Variants in MROH2B observed in about 807,000 individuals in gnomAD.
MROH2B encodes maestro heat-like repeat-containing protein family member 2B.
In MROH2B, 177 loss-of-function variants were observed where a neutral mutation model predicts 208.6. That is an observed-to-expected ratio of 0.85 (90% CI 0.75 to 0.96). The LOEUF (loss-of-function observed/expected upper bound fraction) is 0.96. Ranked by LOEUF, MROH2B falls within the 40% of genes least tolerant of loss-of-function variation. MROH2B has a pLI of 0.00. For missense variants in MROH2B, 2,002 were observed against 1,878.7 expected (o/e 1.07, Z -1.21); for synonymous variants, 728 against 659.0 (o/e 1.10, Z -1.60).
chr5:41,057,196 T>G lies in MROH2B; in HGVS notation c.850-18A>C. The G allele has an allele frequency of 6.2e-7, 1 of 1,613,482 alleles. No homozygotes were observed. The highest frequency in any genetic ancestry group is 8.5e-7 in the Non-Finnish European group (1 of 1,179,602). The stretch of plus-strand genomic sequence containing the variant: ...CTGCAGATCTGAATGGGGGTGGAAA[T>G]CAGGTGGTAGATGTTAAACACAGAA... On this transcript the variant is annotated intron_variant, in intron 8 of 41. Transcript: ENST00000399564.
At chr5:41,021,274 G>A (rs1215005317) in intron 24 of MROH2B, among the ~76,000 whole-genome samples, 1 of 152,128 alleles carries the variant, frequency 6.6e-6, no homozygotes, top group Non-Finnish European at 1.5e-5. Context: ...AAACATTGTT[G>A]AAAGAAATGA....
Position 40,998,672 on chromosome 5 carries a change from C to T in MROH2B, c.4591G>A (p.Val1531Ile), listed in dbSNP as rs145206191. The T allele has an allele frequency of 5.8e-4, 921 of 1,581,534 alleles. 7 individuals carry two copies. In the East Asian group the frequency reaches 6.9e-3, roughly 12 times the overall value. ...TATTGGCTGGTCAAATTGAGAACAA[C>T]GGCATCTAAAGTTAATAGGAGACCA... ...RSAAVKLTDAVVLNLTSQYVE... is the reference protein window; with the variant it reads ...RSAAVKLTDAIVLNLTSQYVE... The change falls in exon 41 of 42, where the codon GTT becomes ATT. Residue 1531 changes from valine (V) to isoleucine (I), a missense_variant. Val to Ile is a conservative substitution (Grantham distance 29, BLOSUM62 3). Coordinates refer to ENST00000399564, the MANE Select transcript of MROH2B (RefSeq NM_173489.5).
chr5:41,069,409 T>TTGTAAGTC (rs1743913173), intron 2 of MROH2B, among the ~76,000 whole-genome samples: 1 of 152,182 alleles, frequency 6.6e-6, no homozygotes, highest in South Asian at 2.1e-4. Flanking sequence ...ATCCACATGT[T>TTGTAAGTC]TGTAAGTCTG....
At position 41,046,860 on chromosome 5, in the gene MROH2B, G is replaced by A. The variant is rs563600326; in HGVS notation, c.1728+861C>T. ...GAGGAGAGGTGGATCCTAGAATTGA[G>A]GACCAGGAGAGTAGAGCAGTCACTT... On this transcript the variant is annotated intron_variant, in intron 17 of 41. Transcript: ENST00000399564. Among the ~76,000 whole-genome samples the A allele has an allele frequency of 2.6e-5, 4 of 152,192 alleles. No individual in the cohort carries two copies. The East Asian group carries it at 7.7e-4, about 29-fold the overall frequency.
In MROH2B at chr5:41,070,927, C is replaced by A; in HGVS notation, c.-75G>T. ...TAGTAAGGCTAAAAAATCAAAGAGG[C>A]AGGTTGGCAAGTTTCTCATATAAGG... On this transcript the variant is annotated 5_prime_UTR_variant, in exon 1 of 42. Coordinates refer to ENST00000399564, the MANE Select transcript of MROH2B (RefSeq NM_173489.5). The A allele has an allele frequency of 1.3e-6, 2 of 1,503,468 alleles. No individual in the cohort carries two copies. Among genetic ancestry groups the A allele is most frequent in the Non-Finnish European group, 1.8e-6 (2 of 1,096,690 alleles). 93.1% of individuals were successfully genotyped at this position (1,503,468 alleles called of 1,614,324 possible). A position where few individuals can be genotyped will look rare whatever the true frequency, so the allele number is the denominator to read the frequency against.
intron 24 of MROH2B, among the ~76,000 whole-genome samples, chr5:41,021,761 C>T (rs904315484): frequency 6.6e-6 from 1 of 152,010 alleles, no homozygotes; most frequent in Admixed American, 6.6e-5. Context: ...CCTGTGGTCC[C>T]AGATACTTGG....
rs368563285 is a variant in MROH2B at position 41,058,151 on chromosome 5, C to T, written c.668G>A (p.Arg223Gln). 3.2e-4 allele frequency: 513 copies of T among 1,606,272 alleles called. No individual in the cohort carries two copies. Among genetic ancestry groups the T allele is most frequent in the Non-Finnish European group, 4.0e-4 (466 of 1,176,236 alleles). Residue 223 changes from arginine (R) to glutamine (Q), a missense_variant, in exon 7 of 42, where the codon CGG (arginine) becomes CAG (glutamine). By Grantham distance (43) the Arg-to-Gln change is conservative. Coordinates refer to ENST00000399564, the MANE Select transcript of MROH2B (RefSeq NM_173489.5). ...HGPTVSLLLH[R>Q]EDFRGYALGQ... is the part of the protein sequence containing the mutation. ...CAGGGCGTATCCACGGAAGTCTTCC[C>T]GATGCAGCAGCAAGCTCACCGTGGG...
chr5:41,053,229 C>A (rs977130538), intron 11 of MROH2B, among the ~76,000 whole-genome samples: 1 of 152,104 alleles, frequency 6.6e-6, no homozygotes, highest in Non-Finnish European at 1.5e-5. Flanking sequence ...AATTTAGTGC[C>A]AACTCATTTG....
chr5:41,003,933 C>T lies in MROH2B; in HGVS notation c.4194+413G>A, dbSNP rs74836239. Among the ~76,000 whole-genome samples, 1,158 of 152,270 alleles carry T rather than the reference C, an allele frequency of 7.6e-3. 38 individuals are homozygous for T. In the East Asian group the frequency reaches 0.12, roughly 16 times the overall value. ...TTGAAATTGCGATTATGGAGTACAT[C>T]AAAAGCTGGCAAACGTTTTCTCTAA... is the stretch of plus-strand genomic sequence containing the variant. On this transcript the variant is annotated intron_variant, in intron 37 of 41. Coordinates refer to ENST00000399564, the MANE Select transcript of MROH2B (RefSeq NM_173489.5).
chr5:41,023,963 C>T (rs1198170147), intron 24 of MROH2B, among the ~76,000 whole-genome samples: 4 of 152,164 alleles, frequency 2.6e-5, no homozygotes, highest in Admixed American at 2.6e-4. Flanking sequence ...AAATAAAATC[C>T]TTTCCAGACA....
In MROH2B at chr5:40,998,046, G is replaced by A. The variant is rs774087998; in HGVS notation, c.*6C>T. The A allele has an allele frequency of 1.9e-6, 3 of 1,597,970 alleles. No individual in the cohort carries two copies. The South Asian group carries it at 3.3e-5, about 18-fold the overall frequency. ...AGGAAAAGCCAGCAGTTTATTTCTT[G>A]ATGGCTTACAGAGGAATGCTTGTCT... On this transcript the variant is annotated 3_prime_UTR_variant, in exon 42 of 42. Transcript: ENST00000399564.
At chr5:41,052,883 C>G (rs1406975034) in intron 11 of MROH2B, among the ~76,000 whole-genome samples, 1 of 152,136 alleles carries the variant, frequency 6.6e-6, no homozygotes, top group Admixed American at 6.5e-5. Flanking sequence ...TTTCTTTGAG[C>G]ATGACCTTTG....
intron 29 of MROH2B, among the ~76,000 whole-genome samples, chr5:41,013,412 G>A (rs1741836589): frequency 6.6e-6 from 1 of 152,168 alleles, no homozygotes; most frequent in Non-Finnish European, 1.5e-5. Flanking sequence ...AAAGGAGTAG[G>A]AAAGCAGGTG....
chr5:41,007,969 T>C (rs2111822320), intron 33 of MROH2B, among the ~76,000 whole-genome samples: 1 of 152,336 alleles, frequency 6.6e-6, no homozygotes, highest in East Asian at 1.9e-4. Context: ...ACCAACCTAA[T>C]ACGTGTTGAC....
At position 41,049,337 on chromosome 5, in the gene MROH2B, C is replaced by A; in HGVS notation, c.1444G>T (p.Glu482Ter). ...TCCTTGGCACTGTGCTGCTTCTTCT[C>A]CTCTGCCATAATCAGAATTCTGATG... Reference protein sequence around the residue: ...SIIRILIMAEEKKQHSAKEST... With the variant: ...SIIRILIMAE Residue 482 changes from glutamate to a stop codon, truncating the protein, a stop_gained, in exon 14 of 42, where the codon GAG (glutamate) becomes TAG (stop). Coordinates refer to ENST00000399564, the MANE Select transcript of MROH2B (RefSeq NM_173489.5). LOFTEE classifies it high-confidence loss of function. The A allele has an allele frequency of 1.2e-6, 2 of 1,613,748 alleles. No individual in the cohort carries two copies. The highest frequency in any genetic ancestry group is 8.5e-7 in the Non-Finnish European group (1 of 1,179,772).
At position 41,000,370 on chromosome 5, in the gene MROH2B, T is replaced by C; in HGVS notation, c.4351-19A>G. On this transcript the variant is annotated intron_variant, in intron 38 of 41. Coordinates refer to ENST00000399564, the MANE Select transcript of MROH2B (RefSeq NM_173489.5). Reference sequence around the variant, plus strand: ...GGCAAGCCTGGAAAACAGAGTTTTCTGCATCACAGTCCAGAACGTTAGGAT... The same window carrying C: ...GGCAAGCCTGGAAAACAGAGTTTTCCGCATCACAGTCCAGAACGTTAGGAT... 1 of 1,612,736 alleles carries C rather than the reference T, an allele frequency of 6.2e-7. No homozygotes were observed.
Position 41,017,986 on chromosome 5 carries a change from G to A in MROH2B, c.2764-16C>T, listed in dbSNP as rs760037912. ...TCTCTGGTGCCTGCAGGATAAAGGA[G>A]GCATCCTATTGTGATGGGGTAGCTT... On this transcript the variant is annotated splice_polypyrimidine_tract_variant and intron_variant, in intron 27 of 41. Coordinates refer to ENST00000399564, the MANE Select transcript of MROH2B (RefSeq NM_173489.5). 3.8e-6 allele frequency: 6 copies of A among 1,568,176 alleles called. No individual in the cohort carries two copies. The Admixed American group carries it at 1.1e-4, about 30-fold the overall frequency.
chr5:41,003,421 A>G (rs1051828267), intron 37 of MROH2B, among the ~76,000 whole-genome samples: 7 of 152,202 alleles, frequency 4.6e-5, no homozygotes, highest in Admixed American at 3.3e-4. Flanking sequence ...AGAGGTTCAT[A>G]TAGTTAGCAT....
chr5:41,049,549 G>T (rs1283502934), intron 13 of MROH2B, 113 bp from the exon 14 acceptor site: 4 of 1,327,108 alleles, frequency 3.0e-6, no homozygotes, highest in South Asian at 1.6e-5. Context: ...TTATTATTTT[G>T]CTTTTTGGGC....
Sources: gnomAD v4.1 joint callset for allele counts (sites outside exome capture counted in the v4.1 genomes callset) on GRCh38, gnomAD v4.1.1 for gene constraint, MANE v1.5 for transcripts, NCBI Gene and HGNC (gene_info 2026-07-23, HGNC 2026-07-21) for gene names.